Variants in CRKL observed in about 807,000 individuals in gnomAD.
The protein encoded by CRKL is CRK like proto-oncogene, adaptor protein, also known as crk-like protein.
A neutral mutation model predicts 23.0 loss-of-function variants in CRKL; 3 were observed. The ratio of observed to expected loss-of-function variants is 0.13; its 90% CI spans 0.06 to 0.34. CRKL has a LOEUF of 0.34. CRKL is among the 10% of genes least tolerant of loss of function. The pLI is 1.00. For synonymous variants in CRKL, 188 were observed against 160.7 expected, an observed-to-expected ratio of 1.17 and a Z score of -1.28; for missense variants, 256 against 394.5, an observed-to-expected ratio of 0.65 and a Z score of 2.97.
intron 2 of CRKL, among the ~76,000 whole-genome samples, chr22:20,939,487 C>T (rs191027467): frequency 6.6e-6 from 1 of 152,022 alleles, no homozygotes; most frequent in East Asian, 1.9e-4. Context: ...ACCTCGTGAT[C>T]CACCTGCCTA....
intron 1 of CRKL, among the ~76,000 whole-genome samples, chr22:20,921,272 C>A (rs1019565168): frequency 6.6e-6 from 1 of 152,170 alleles, no homozygotes; most frequent in Admixed American, 6.6e-5. Context: ...CAATAATGTC[C>A]TACTCGAAAT....
intron 1 of CRKL, among the ~76,000 whole-genome samples, chr22:20,926,964 T>G (rs1443122467): frequency 1.3e-5 from 2 of 151,294 alleles, no homozygotes; most frequent in African/African-American, 4.9e-5. Context: ...TATAAAAAAT[T>G]AGCCAGGCAT....
intron 1 of CRKL, among the ~76,000 whole-genome samples, chr22:20,932,433 T>C (rs1233792677): frequency 6.6e-6 from 1 of 152,116 alleles, no homozygotes; most frequent in Non-Finnish European, 1.5e-5. Flanking sequence ...CTGTAAGCCC[T>C]TTTTTGTTCC....
intron 2 of CRKL, among the ~76,000 whole-genome samples, chr22:20,940,611 C>T (rs1162923578): frequency 3.5e-5 from 5 of 143,842 alleles, no homozygotes; most frequent in African/African-American, 1.3e-4. Context: ...TAGTGATACT[C>T]AGCGTTCTTT....
intron 2 of CRKL, among the ~76,000 whole-genome samples, chr22:20,944,375 C>G (rs1921981004): frequency 6.6e-6 from 1 of 151,914 alleles, no homozygotes; most frequent in Non-Finnish European, 1.5e-5. Flanking sequence ...TTTTGGTATG[C>G]AAGTGTTTCA....
intron 1 of CRKL, among the ~76,000 whole-genome samples, chr22:20,927,842 CAAA>C (rs796204860): frequency 1.3e-3 from 72 of 56,250 alleles, no homozygotes; most frequent in Admixed American, 2.1e-3. Context: ...GACTCTGTCT[CAAA>C]AAAAAAAAAA....
chr22:20,933,510 TAAA>T (rs1023587927), intron 1 of CRKL, among the ~76,000 whole-genome samples: 2 of 150,716 alleles, frequency 1.3e-5, no homozygotes, highest in Admixed American at 1.3e-4. Context: ...CTACTAAAAA[TAAA>T]AAAAGTTACC....
At chr22:20,949,673 G>A (rs768159841) in intron 2 of CRKL, 38 bp from the exon 3 acceptor site, 1 of 1,605,104 alleles carries the variant, frequency 6.2e-7, no homozygotes, top group Admixed American at 1.8e-5. Flanking sequence ...TTTTCTTGTT[G>A]CAGAGAAATG....
At chr22:20,933,722 C>T (rs2147904328) in intron 1 of CRKL, 57 bp from the exon 2 acceptor site, 1 of 1,387,752 alleles carries the variant, frequency 7.2e-7, no homozygotes. Flanking sequence ...AGAAGTTTGA[C>T]AGGCACTGGC....
chr22:20,940,428 G>T (rs548344059), intron 2 of CRKL, among the ~76,000 whole-genome samples: 1 of 152,044 alleles, frequency 6.6e-6, no homozygotes, highest in Non-Finnish European at 1.5e-5. Flanking sequence ...AAAAACAAGA[G>T]ACTTGACCCT....
In CRKL at chr22:20,928,279, C is replaced by A. The variant is rs1921306087; in HGVS notation, c.312-5500C>A. On this transcript the variant is annotated intron_variant, in intron 1 of 2. Coordinates refer to ENST00000354336, the MANE Select transcript of CRKL (RefSeq NM_005207.4). ...CAAGACCAGCCTGGGCAACATAAAC[C>A]CCCATCTCTGCAAAAAATTAAACAA... 1.3e-5 allele frequency among the ~76,000 whole-genome samples: 2 copies of A among 150,708 alleles called. 1 individual carries two copies. The highest frequency in any genetic ancestry group is 3.0e-5 in the Non-Finnish European group (2 of 67,700).
chr22:20,937,016 A>G (rs1921685935), intron 2 of CRKL, among the ~76,000 whole-genome samples: 1 of 152,090 alleles, frequency 6.6e-6, no homozygotes, highest in Non-Finnish European at 1.5e-5. Context: ...GCCCGCCACC[A>G]TACCCAACTG....
intron 2 of CRKL, among the ~76,000 whole-genome samples, chr22:20,946,763 GCTT>G (rs1922073384): frequency 6.6e-6 from 1 of 151,798 alleles, no homozygotes; most frequent in Non-Finnish European, 1.5e-5. Context: ...CACAGTGAGT[GCTT>G]CTTTGAGCTG....
At position 20,927,842 on chromosome 22, in the gene CRKL, CAAAAAAAAAAA is replaced by C. The variant is rs796204860; in HGVS notation, c.312-5923_312-5913del. On this transcript the variant is annotated intron_variant, in intron 1 of 2. Transcript: ENST00000354336. ...TGGGTAACAGAGCAAGACTCTGTCTCAAAAAAAAAAAAAAAAAAAAAAAAGGAAAAAGAGTA... is the reference window on the plus strand; with the variant it reads ...TGGGTAACAGAGCAAGACTCTGTCTCAAAAAAAAAAAAAGGAAAAAGAGTA... Among the ~76,000 whole-genome samples, 303 of 56,270 alleles carry C rather than the reference CAAAAAAAAAAA, an allele frequency of 5.4e-3. 2 individuals are homozygous for C. Among genetic ancestry groups the C allele is most frequent in the African/African-American group, 0.017 (273 of 15,920 alleles). The allele number at this position is 56,270 out of a possible 152,430, so 36.9% of individuals were successfully genotyped here.
At position 20,953,698 on chromosome 22, in the gene CRKL, C is replaced by G. The variant is rs950846759; in HGVS notation, c.*3853C>G. ...GCATCAAAACCCTTGTTTCCATGGC[C>G]TGTTTGTATATTGTCTCAATAAAAC... is the stretch of plus-strand genomic sequence containing the variant. On this transcript the variant is annotated 3_prime_UTR_variant, in exon 3 of 3. Transcript: ENST00000354336. 2.6e-5 allele frequency: 5 copies of G among 191,900 alleles called. No individual in the cohort carries two copies. Among genetic ancestry groups the G allele is most frequent in the Non-Finnish European group, 5.5e-5 (5 of 91,616 alleles). 11.9% of individuals were successfully genotyped at this position (191,900 alleles called of 1,614,324 possible). A position where few individuals can be genotyped will look rare whatever the true frequency, so the allele number is the denominator to read the frequency against.
chr22:20,942,917 C>G (rs914271784), intron 2 of CRKL, among the ~76,000 whole-genome samples: 15 of 152,080 alleles, frequency 9.9e-5, no homozygotes. Context: ...CTATGTTTAG[C>G]TTTTTGAGGA....
At chr22:20,921,885 T>A (rs573640582) in intron 1 of CRKL, among the ~76,000 whole-genome samples, 172 of 151,300 alleles carry the variant, frequency 1.1e-3, no homozygotes, top group African/African-American at 4.1e-3. Context: ...ATTTTTTGTA[T>A]TTTTAGTGGA....
At position 20,923,438 on chromosome 22, in the gene CRKL, C is replaced by T. The variant is rs148941437; in HGVS notation, c.311+5193C>T. On this transcript the variant is annotated intron_variant, in intron 1 of 2. Transcript: ENST00000354336. ...GACTACAGGTGCCCGCCACCATGCC[C>T]GGGTAACTTTTTGTATTTTTAGTAG... is the stretch of plus-strand genomic sequence containing the variant. 9.9e-5 allele frequency among the ~76,000 whole-genome samples: 15 copies of T among 151,926 alleles called. No individual in the cohort carries two copies. In the East Asian group the frequency reaches 2.7e-3, roughly 28 times the overall value.
intron 2 of CRKL, among the ~76,000 whole-genome samples, chr22:20,939,387 C>G (rs545883927): frequency 6.9e-6 from 1 of 145,752 alleles, no homozygotes; most frequent in Non-Finnish European, 1.5e-5. Context: ...ACTACAGGCA[C>G]CTGCCACCAC....
Sources: allele counts gnomAD v4.1 joint callset (sites outside exome capture counted in the v4.1 genomes callset), GRCh38; gene constraint gnomAD v4.1.1; transcripts MANE v1.5; gene names NCBI Gene and HGNC (gene_info 2026-07-23, HGNC 2026-07-21).